The following PTK2 variants were observed in gnomAD, a reference collection of about 807,000 sequenced individuals.
PTK2 encodes protein tyrosine kinase 2, also known as focal adhesion kinase 1.
Under a neutral mutation model 150.1 loss-of-function variants are expected in PTK2, and 45 were observed. The ratio of observed to expected loss-of-function variants is 0.30; its 90% CI spans 0.24 to 0.38. The LOEUF (loss-of-function observed/expected upper bound fraction) is 0.38. PTK2 is among the 10% of genes least tolerant of loss of function. PTK2 has a pLI of 1.00. For missense variants in PTK2, 919 were observed against 1,307.3 expected (o/e 0.70, Z 4.58); for synonymous variants, 432 against 449.2 (o/e 0.96, Z 0.48).
intron 1 of PTK2, among the ~76,000 whole-genome samples, chr8:140,959,560 T>C (rs778649239): frequency 7.2e-6 from 1 of 139,390 alleles, no homozygotes; most frequent in East Asian, 2.1e-4. Flanking sequence ...AAAAAAAAAG[T>C]AGTGTAAGAG....
chr8:140,926,493 C>T (rs1429304330), intron 1 of PTK2, among the ~76,000 whole-genome samples: 4 of 152,136 alleles, frequency 2.6e-5, no homozygotes, highest in Non-Finnish European at 5.9e-5. Flanking sequence ...AGAGAAGAAA[C>T]ACAGCAAAGA....
intron 10 of PTK2, among the ~76,000 whole-genome samples, chr8:140,804,236 T>C (rs1053014721): frequency 1.3e-5 from 2 of 151,400 alleles, no homozygotes; most frequent in Non-Finnish European, 2.9e-5. Context: ...TTCTTTTTTT[T>C]TTTCTTTTTC....
At chr8:140,977,798 A>G (rs1489781755) in intron 1 of PTK2, among the ~76,000 whole-genome samples, 1 of 152,162 alleles carries the variant, frequency 6.6e-6, no homozygotes, top group East Asian at 1.9e-4. Flanking sequence ...CAAAACAATA[A>G]AAAGTACTCA....
At chr8:140,903,732 T>C (rs530639667) in intron 2 of PTK2, among the ~76,000 whole-genome samples, 31 of 152,318 alleles carry the variant, frequency 2.0e-4, no homozygotes, top group Non-Finnish European at 4.3e-4. Flanking sequence ...CCTTGTAAGA[T>C]GTATTCCTAG....
chr8:140,917,617 CTG>C (rs1412211220), intron 2 of PTK2, among the ~76,000 whole-genome samples: 2 of 152,134 alleles, frequency 1.3e-5, no homozygotes, highest in Non-Finnish European at 1.5e-5. Context: ...CTACAAAACA[CTG>C]TATTAATCAC....
chr8:140,785,148 C>G (rs900059821), intron 14 of PTK2, among the ~76,000 whole-genome samples: 2 of 152,174 alleles, frequency 1.3e-5, no homozygotes, highest in East Asian at 1.9e-4. Context: ...AAATCAAGAA[C>G]AATTTACAGT....
At chr8:140,707,620 G>A (rs1274348290) in intron 23 of PTK2, among the ~76,000 whole-genome samples, 7 of 152,118 alleles carry the variant, frequency 4.6e-5, no homozygotes, top group Non-Finnish European at 1.0e-4. Context: ...GGCCAGGCTG[G>A]TCTTGAACTC....
intron 24 of PTK2, among the ~76,000 whole-genome samples, chr8:140,703,941 A>G (rs933517900): frequency 6.6e-6 from 1 of 152,208 alleles, no homozygotes; most frequent in Non-Finnish European, 1.5e-5. Context: ...ACATCCTTCA[A>G]CAAAGGTTTT....
chr8:140,895,921 T>A (rs2100156022), intron 2 of PTK2, among the ~76,000 whole-genome samples: 1 of 151,864 alleles, frequency 6.6e-6, no homozygotes, highest in Non-Finnish European at 1.5e-5. Context: ...CAGAACAAAA[T>A]TAAAAGTTAC....
intron 1 of PTK2, among the ~76,000 whole-genome samples, chr8:140,928,505 C>T (rs1311920156): frequency 3.3e-5 from 5 of 152,094 alleles, no homozygotes; most frequent in Admixed American, 3.3e-4. Flanking sequence ...ATTCAAACAC[C>T]CATATTCATA....
At chr8:140,920,941 G>GTCT in intron 2 of PTK2, 1 of 1,472,048 alleles carries the variant, frequency 6.8e-7, no homozygotes, top group South Asian at 1.3e-5. Context: ...GATCAAGCCA[G>GTCT]GAGTCTGCAC....
intron 1 of PTK2, among the ~76,000 whole-genome samples, chr8:140,950,317 A>G (rs1009940953): frequency 6.6e-6 from 1 of 152,210 alleles, no homozygotes; most frequent in Non-Finnish European, 1.5e-5. Flanking sequence ...GGGGCTTTGC[A>G]GTTCCTGGCA....
At chr8:140,659,000 T>G (rs148955496) in exon 32 of PTK2, 1 of 227,052 alleles carries the variant, frequency 4.4e-6, no homozygotes, top group Non-Finnish European at 8.8e-6. Context: ...AAACAAAAAT[T>G]CCAGTCTGGA....
At chr8:140,757,864 A>G (rs2100066783) in intron 16 of PTK2, among the ~76,000 whole-genome samples, 1 of 152,202 alleles carries the variant, frequency 6.6e-6, no homozygotes, top group Admixed American at 6.5e-5. Flanking sequence ...CCTACTGCCT[A>G]GTGACATGAC....
chr8:140,711,730 C>G (rs143579854), intron 23 of PTK2, among the ~76,000 whole-genome samples: 1 of 152,098 alleles, frequency 6.6e-6, no homozygotes, highest in South Asian at 2.1e-4. Context: ...ATGGTGAGTC[C>G]ACAAACAGGT....
intron 1 of PTK2, among the ~76,000 whole-genome samples, chr8:140,954,411 C>T (rs2100180540): frequency 6.6e-6 from 1 of 152,134 alleles, no homozygotes; most frequent in African/African-American, 2.4e-5. Flanking sequence ...TTGGTTTATG[C>T]AAATGTGAAA....
At chr8:140,658,929 T>C (rs2075800272) in exon 32 of PTK2, 1 of 224,980 alleles carries the variant, frequency 4.4e-6, no homozygotes. Context: ...GTCTTCAAAA[T>C]ATAGCTTTTA....
intron 2 of PTK2, among the ~76,000 whole-genome samples, chr8:140,904,502 C>T (rs540170889): frequency 4.6e-5 from 7 of 152,248 alleles, no homozygotes; most frequent in Admixed American, 2.6e-4. Flanking sequence ...CAAGATGATG[C>T]TGACCTCATA....
At chr8:140,708,451 C>T (rs545797593) in intron 23 of PTK2, among the ~76,000 whole-genome samples, 1 of 152,318 alleles carries the variant, frequency 6.6e-6, no homozygotes, top group African/African-American at 2.4e-5. Context: ...ATGTCCTCTG[C>T]TCTCCTAAGG....
Sources: allele counts gnomAD v4.1 joint callset (sites outside exome capture counted in the v4.1 genomes callset), GRCh38; gene constraint gnomAD v4.1.1; transcripts MANE v1.5; gene names NCBI Gene and HGNC (gene_info 2026-07-23, HGNC 2026-07-21).